KRT23: variants seen among roughly 807,000 people sequenced by gnomAD.
KRT23 encodes the protein keratin, type I cytoskeletal 23.
A neutral mutation model predicts 47.6 loss-of-function variants in KRT23; 38 were observed. The observed-to-expected ratio is 0.80, with a 90% CI of 0.62 to 1.05. The LOEUF is 1.05. Ranked by LOEUF, KRT23 falls within the 50% of genes least tolerant of loss-of-function variation. KRT23 has a pLI of 0.00. For synonymous variants in KRT23, 191 were observed against 199.0 expected (o/e 0.96, Z 0.34); for missense variants, 503 against 529.5 (o/e 0.95, Z 0.49).
intron 2 of KRT23, among the ~76,000 whole-genome samples, chr17:40,935,918 C>T (rs897183524): frequency 6.6e-6 from 1 of 152,186 alleles, no homozygotes; most frequent in African/African-American, 2.4e-5. Context: ...TGTTTTTGGT[C>T]TGTGAGAAAT....
intron 3 of KRT23, 116 bp downstream of exon 3, chr17:40,931,257 G>A (rs373190822): frequency 7.1e-5 from 50 of 703,094 alleles, no homozygotes; most frequent in Non-Finnish European, 8.2e-5. Context: ...TGATCCGCCC[G>A]CCTTGGCCTC....
In KRT23 at chr17:40,936,226, G is replaced by A. The variant is rs2143536735; in HGVS notation, c.378C>T (p.Ile126=). ...KKDYSQYEEN[I]THLQEQIVDG... is the part of the protein sequence containing the mutation. ...ATCTTACCTGCTCCTGCAGGTGTGT[G>A]ATGTTTTCCTCATACTGGGAATAAT... The change falls in exon 2 of 9, where the codon ATC becomes ATT. Residue 126 remains isoleucine, a synonymous_variant. Coordinates refer to ENST00000209718, the MANE Select transcript of KRT23 (RefSeq NM_015515.5). 1.9e-6 allele frequency: 3 copies of A among 1,614,184 alleles called. No individual in the cohort carries two copies. The highest frequency in any genetic ancestry group is 1.3e-5 in the African/African-American group (1 of 75,064).
intron 3 of KRT23, among the ~76,000 whole-genome samples, chr17:40,931,159 G>T (rs1424727389): frequency 6.6e-6 from 1 of 151,778 alleles, no homozygotes; most frequent in Non-Finnish European, 1.5e-5. Flanking sequence ...CTACAGGCGT[G>T]TGCCACCATG....
Position 40,936,509 on chromosome 17 carries a change from G to A in KRT23, c.95C>T (p.Pro32Leu). The A allele has an allele frequency of 6.5e-7, 1 of 1,530,686 alleles. No homozygotes were observed. The highest frequency in any genetic ancestry group is 8.8e-7 in the Non-Finnish European group (1 of 1,141,688). 94.8% of individuals were successfully genotyped at this position (1,530,686 alleles called of 1,614,324 possible). A position where few individuals can be genotyped will look rare whatever the true frequency, so the allele number is the denominator to read the frequency against. Residue 32 changes from proline (P) to leucine (L), a missense_variant, in exon 2 of 9, where the codon CCC (proline) becomes CTC (leucine). Pro to Leu is a moderately conservative substitution (Grantham distance 98). Coordinates refer to ENST00000209718, the MANE Select transcript of KRT23 (RefSeq NM_015515.5). The part of the protein sequence containing the change: ...WGRPRSFPRA[P>L]TVHGGAGGAR... ...TCCCCCCGCACCGCCATGGACGGTGGGAGCCCTGGGGAAGCTCCTGGGCCG... is the reference window on the plus strand; with the variant it reads ...TCCCCCCGCACCGCCATGGACGGTGAGAGCCCTGGGGAAGCTCCTGGGCCG...
intron 6 of KRT23, among the ~76,000 whole-genome samples, chr17:40,927,143 T>C (rs1909274682): frequency 6.6e-6 from 1 of 152,226 alleles, no homozygotes; most frequent in Non-Finnish European, 1.5e-5. Flanking sequence ...CCCTGGTGCA[T>C]CTGCCCTCCT....
intron 6 of KRT23, among the ~76,000 whole-genome samples, chr17:40,926,578 G>A (rs1909236655): frequency 6.6e-6 from 1 of 152,152 alleles, no homozygotes; most frequent in Non-Finnish European, 1.5e-5. Context: ...GTTCTTTTGT[G>A]TGAGCTGTCT....
At chr17:40,933,877 A>C (rs1424976617) in intron 2 of KRT23, among the ~76,000 whole-genome samples, 1 of 152,188 alleles carries the variant, frequency 6.6e-6, no homozygotes, top group East Asian at 1.9e-4. Context: ...CCCTCAGTTC[A>C]TTCTTTTAAA....
rs1909003278 is a variant in KRT23, at chr17:40,922,820, A to G, written c.*169T>C. The G allele has an allele frequency of 5.2e-6, 3 of 578,044 alleles. No homozygotes were observed. In the East Asian group the frequency reaches 8.7e-5, roughly 17 times the overall value. The allele number at this position is 578,044 out of a possible 1,614,324, so 35.8% of individuals were successfully genotyped here. Reference sequence around the variant, plus strand: ...CACTTTGATTAGAAAAGTGCAATATATTAAGAGCATTATGAGAAGTCTGGT... The same window carrying G: ...CACTTTGATTAGAAAAGTGCAATATGTTAAGAGCATTATGAGAAGTCTGGT... On this transcript the variant is annotated 3_prime_UTR_variant, in exon 9 of 9. Transcript: ENST00000209718.
intron 2 of KRT23, among the ~76,000 whole-genome samples, chr17:40,935,442 T>A (rs1346388996): frequency 6.6e-6 from 1 of 152,192 alleles, no homozygotes; most frequent in Non-Finnish European, 1.5e-5. Context: ...GCTAATGTTA[T>A]GAGACATCCC....
intron 2 of KRT23, among the ~76,000 whole-genome samples, chr17:40,933,487 G>C (rs762406210): frequency 2.0e-5 from 3 of 152,050 alleles, no homozygotes; most frequent in Non-Finnish European, 4.4e-5. Context: ...TGTGCACTGA[G>C]GTTTTCTATT....
rs1909178980 is a variant in KRT23 at position 40,925,561 on chromosome 17, T to C, written c.935A>G (p.Glu312Gly). 1.2e-6 allele frequency: 2 copies of C among 1,612,866 alleles called. No homozygotes were observed. The highest frequency in any genetic ancestry group is 1.7e-6 in the Non-Finnish European group (2 of 1,179,124). ...AGACTGGGTCTCGGATAACATGTTTTCCAAAGCAGATTTCTGAAAGAGGAA... is the reference window on the plus strand; with the variant it reads ...AGACTGGGTCTCGGATAACATGTTTCCCAAAGCAGATTTCTGAAAGAGGAA... ...QTQYSTKSAL[E>G]NMLSETQSRY... Residue 312 changes from glutamate (E) to glycine (G), a missense_variant, in exon 7 of 9, where the codon GAA becomes GGA. Transcript: ENST00000209718.
At chr17:40,923,673 A>G (rs1161403004) in intron 8 of KRT23, among the ~76,000 whole-genome samples, 1 of 152,232 alleles carries the variant, frequency 6.6e-6, no homozygotes, top group African/African-American at 2.4e-5. Flanking sequence ...CCCATCAAGT[A>G]TGGGTTCCCC....
intron 4 of KRT23, 28 bp downstream of exon 4, chr17:40,929,912 A>G: frequency 1.9e-6 from 3 of 1,608,402 alleles, no homozygotes; most frequent in Non-Finnish European, 2.6e-6. Flanking sequence ...AGCTGTGCTT[A>G]TTAGCAGGTG....
intron 2 of KRT23, among the ~76,000 whole-genome samples, chr17:40,933,673 A>C (rs1775769034): frequency 1.3e-5 from 2 of 152,204 alleles, no homozygotes; most frequent in Non-Finnish European, 2.9e-5. Context: ...TGAATTCTGA[A>C]ATGTGCTTGA....
At chr17:40,934,403 G>A (rs771433549) in intron 2 of KRT23, among the ~76,000 whole-genome samples, 1 of 152,144 alleles carries the variant, frequency 6.6e-6, no homozygotes, top group East Asian at 1.9e-4. Flanking sequence ...CATCTGAAGG[G>A]TGGGCAGGTT....
chr17:40,930,627 G>A (rs1909594171), intron 3 of KRT23, among the ~76,000 whole-genome samples: 1 of 151,940 alleles, frequency 6.6e-6, no homozygotes, highest in African/African-American at 2.4e-5. Context: ...AGCTGGGCAT[G>A]GTGGTGTGCA....
In KRT23 at chr17:40,925,448, G is replaced by GCCGCT. The variant is rs1761802866; in HGVS notation, c.1043_1047dup (p.Gln350SerfsTer43). On this transcript the variant is annotated frameshift_variant, in exon 7 of 9. Transcript: ENST00000209718. LOFTEE classifies it high-confidence loss of function. ...AGCAGCACTTGGTATTCATTGTTCTGCCGCTCCAGTTCATGGCGTAGCTGC... is the reference window on the plus strand; with the variant it reads ...AGCAGCACTTGGTATTCATTGTTCTGCCGCTCCGCTCCAGTTCATGGCGTAGCTGC... The GCCGCT allele has an allele frequency of 6.2e-7, 1 of 1,614,004 alleles. No homozygotes were observed. Among genetic ancestry groups the GCCGCT allele is most frequent in the African/African-American group, 1.3e-5 (1 of 74,900 alleles).
chr17:40,932,108 T>C (rs1909734908), intron 2 of KRT23, among the ~76,000 whole-genome samples: 1 of 152,160 alleles, frequency 6.6e-6, no homozygotes. Context: ...TGACTGTAAC[T>C]TGAAGGTGTG....
In KRT23 at chr17:40,925,494, G is replaced by A. The variant is rs373523085; in HGVS notation, c.1002C>T (p.Ser334=). The change falls in exon 7 of 9, where the codon TCC becomes TCT. Residue 334 remains serine (S), a synonymous_variant. Coordinates refer to ENST00000209718, the MANE Select transcript of KRT23 (RefSeq NM_015515.5). ...CKLQDMQEII[S]HYEEELTQLR... ...GCTGCGTCAGTTCCTCCTCATAGTG[G>A]GAGATGATCTCTTGCATGTCCTGGA... 2 of 1,614,156 alleles carry A rather than the reference G, an allele frequency of 1.2e-6. No individual in the cohort carries two copies. The highest frequency in any genetic ancestry group is 1.7e-6 in the Non-Finnish European group (2 of 1,180,018).
Sources: gnomAD v4.1 joint callset for allele counts (sites outside exome capture counted in the v4.1 genomes callset) on GRCh38, gnomAD v4.1.1 for gene constraint, MANE v1.5 for transcripts, NCBI Gene and HGNC (gene_info 2026-07-23, HGNC 2026-07-21) for gene names.